The following UBR1 variants were observed in gnomAD, a reference collection of about 807,000 sequenced individuals.
The protein encoded by UBR1 is E3 ubiquitin-protein ligase UBR1.
In UBR1, 102 loss-of-function variants were observed where a neutral mutation model predicts 242.1. The observed-to-expected ratio is 0.42, with a 90% CI of 0.36 to 0.50. The LOEUF (loss-of-function observed/expected upper bound fraction) is 0.50. Ranked by LOEUF, UBR1 falls within the 20% of genes least tolerant of loss-of-function variation. The probability of loss-of-function intolerance (pLI) is 0.01; values close to 1 mark genes in which losing one functional copy is unlikely to be tolerated. For missense variants in UBR1, 1,772 were observed against 2,101.8 expected, an observed-to-expected ratio of 0.84 and a Z score of 3.07; for synonymous variants, 675 against 684.8, an observed-to-expected ratio of 0.99 and a Z score of 0.22.
chr15:43,032,938 T>A (rs753745890), intron 19 of UBR1, among the ~76,000 whole-genome samples: 1 of 152,210 alleles, frequency 6.6e-6, no homozygotes, highest in Non-Finnish European at 1.5e-5. Flanking sequence ...CCTTCTTACC[T>A]GCGTTAGTGA....
At position 43,015,782 on chromosome 15, in the gene UBR1, C is replaced by T. The variant is rs1298185944; in HGVS notation, c.3115G>A (p.Ala1039Thr). 1.2e-6 allele frequency: 2 copies of T among 1,614,048 alleles called. No homozygotes were observed. The highest frequency in any genetic ancestry group is 2.2e-5 in the East Asian group (1 of 44,892). Residue 1039 changes from alanine (A) to threonine (T), a missense_variant, in exon 29 of 47, where the codon GCC (alanine) becomes ACC (threonine). Coordinates refer to ENST00000290650, the MANE Select transcript of UBR1 (RefSeq NM_174916.3). The part of the protein sequence containing the change: ...HRQKIMAQMS[A>T]LQKNFIETHK... ...GTTTCAATGAAGTTTTTCTGTAAGGCAGACATCTGAGCCATGATCTTCTGG... is the reference window on the plus strand; with the variant it reads ...GTTTCAATGAAGTTTTTCTGTAAGGTAGACATCTGAGCCATGATCTTCTGG...
At chr15:43,012,019 G>T (rs890699420) in intron 29 of UBR1, 3 of 406,116 alleles carry the variant, frequency 7.4e-6, no homozygotes, top group Non-Finnish European at 1.5e-5. Context: ...GAGGTCAGGA[G>T]ATCAAGACCA....
chr15:43,044,271 T>C (rs557447260), intron 14 of UBR1, among the ~76,000 whole-genome samples: 8 of 152,268 alleles, frequency 5.3e-5, no homozygotes, highest in South Asian at 2.1e-4. Flanking sequence ...ATGTGGGTCA[T>C]TGAAGATGGT....
chr15:43,000,707 T>C (rs558085847), intron 32 of UBR1, among the ~76,000 whole-genome samples: 6 of 152,346 alleles, frequency 3.9e-5, no homozygotes, highest in Admixed American at 3.9e-4. Context: ...CTTGGTAAAA[T>C]GCCTAAAATA....
chr15:43,055,602 A>G (rs1444728831), intron 11 of UBR1, among the ~76,000 whole-genome samples: 1 of 152,236 alleles, frequency 6.6e-6, no homozygotes, highest in East Asian at 1.9e-4. Flanking sequence ...AGTTTGGATA[A>G]CTATCTAATT....
At position 43,096,088 on chromosome 15, in the gene UBR1, T is replaced by C. The variant is rs554759672; in HGVS notation, c.82-9848A>G. 1.4e-4 allele frequency among the ~76,000 whole-genome samples: 22 copies of C among 152,284 alleles called. No individual in the cohort carries two copies. In the South Asian group the frequency reaches 4.6e-3, roughly 32 times the overall value. ...CTTTAGAAAGTTGTCATCTTTTTGC[T>C]GATAGGGGGATCTTCCCTCAATATT... is the stretch of plus-strand genomic sequence containing the variant. On this transcript the variant is annotated intron_variant, in intron 1 of 46. Coordinates refer to ENST00000290650, the MANE Select transcript of UBR1 (RefSeq NM_174916.3).
chr15:42,981,634 C>A (rs1341200738), intron 37 of UBR1, among the ~76,000 whole-genome samples: 1 of 152,068 alleles, frequency 6.6e-6, no homozygotes, highest in Non-Finnish European at 1.5e-5. Flanking sequence ...GGACTACAGG[C>A]GCCCGCCACC....
rs560253904 is a variant in UBR1, at chr15:43,047,161, A to G, written c.1668T>C (p.Asp556=). The G allele has an allele frequency of 7.4e-6, 12 of 1,614,138 alleles. No individual in the cohort carries two copies. The South Asian group carries it at 1.3e-4, about 18-fold the overall frequency. ...GATCCTACTAACAAATTTTACTTAC[A>G]TCACAAGCACACCACTCTTGGAACA... is the stretch of plus-strand genomic sequence containing the variant. ...LLMFQEWCAC[D]EELLLVAYKE... Residue 556 remains aspartate (D), a splice_region_variant and synonymous_variant, in exon 14 of 47, where the codon GAT becomes GAC. Coordinates refer to ENST00000290650, the MANE Select transcript of UBR1 (RefSeq NM_174916.3).
In UBR1 at chr15:43,024,388, TCTC is replaced by T. The variant is rs560593695; in HGVS notation, c.2739+438_2739+440del. On this transcript the variant is annotated intron_variant, in intron 25 of 46. Transcript: ENST00000290650. ...AGTAGCTGCTTTCACTTTAGCTAATTCTCCTACCTCTATGAATAATTACACTTT... is the reference window on the plus strand; with the variant it reads ...AGTAGCTGCTTTCACTTTAGCTAATTCTACCTCTATGAATAATTACACTTT... Among the ~76,000 whole-genome samples the T allele has an allele frequency of 1.9e-3, 293 of 152,288 alleles. 2 individuals are homozygous for T. Among genetic ancestry groups the T allele is most frequent in the Non-Finnish European group, 1.4e-3 (97 of 68,006 alleles).
chr15:43,022,841 T>C (rs954854040), intron 25 of UBR1, 40 bp from the exon 26 acceptor site: 2 of 1,242,744 alleles, frequency 1.6e-6, no homozygotes, highest in African/African-American at 3.0e-5. Flanking sequence ...ATTGCGCTTC[T>C]TCAGGTAAAT....
chr15:43,097,816 A>G (rs765362035), intron 1 of UBR1, among the ~76,000 whole-genome samples: 1 of 152,220 alleles, frequency 6.6e-6, no homozygotes, highest in Admixed American at 6.5e-5. Flanking sequence ...GGCTGGTTCA[A>G]TCTTCTATCC....
rs771350476 is a variant in UBR1 at position 42,984,934 on chromosome 15, A to G, written c.4006T>C (p.Leu1336=). 56 of 1,609,004 alleles carry G rather than the reference A, an allele frequency of 3.5e-5. No homozygotes were observed. In the East Asian group the frequency reaches 1.2e-3, roughly 35 times the overall value. Residue 1336 remains leucine, a synonymous_variant, in exon 36 of 47, where the codon TTG becomes CTG. Transcript: ENST00000290650. ...AACAGAGGTTTTCCTTCATCTCCCA[A>G]TAGATTTTCTCAAAGAATAAAAAAA... The part of the protein sequence containing the change: ...AFTIQAIENL[L]GDEGKPLFGA...
chr15:43,060,206 T>G (rs571419831), intron 6 of UBR1, 92 bp from the exon 7 acceptor site: 1 of 1,186,706 alleles, frequency 8.4e-7, no homozygotes, highest in East Asian at 2.3e-5. Flanking sequence ...AGCTCTTAAC[T>G]GAGCTCTAAT....
At chr15:43,013,498 T>C (rs1163936059) in intron 29 of UBR1, among the ~76,000 whole-genome samples, 2 of 152,344 alleles carry the variant, frequency 1.3e-5, no homozygotes, top group South Asian at 2.1e-4. Flanking sequence ...GAAAAACTTG[T>C]ATAAGCCACC....
At chr15:43,032,075 T>C (rs1474508863) in intron 20 of UBR1, among the ~76,000 whole-genome samples, 2 of 151,588 alleles carry the variant, frequency 1.3e-5, no homozygotes, top group African/African-American at 4.9e-5. Context: ...ATGATGGCAA[T>C]GAATGTACCA....
intron 30 of UBR1, among the ~76,000 whole-genome samples, chr15:43,006,056 T>G (rs1033466099): frequency 1.7e-5 from 2 of 114,346 alleles, no homozygotes; most frequent in African/African-American, 6.8e-5. Context: ...CAAATCCCCC[T>G]CTCGGAGAAA....
At chr15:42,988,102 C>T (rs1596087204) in intron 35 of UBR1, among the ~76,000 whole-genome samples, 1 of 152,128 alleles carries the variant, frequency 6.6e-6, no homozygotes, top group African/African-American at 2.4e-5. Flanking sequence ...TCTTCCTTTC[C>T]CCTTTCCGTT....
chr15:43,076,921 C>T (rs1381627042), intron 3 of UBR1, among the ~76,000 whole-genome samples: 2 of 103,524 alleles, frequency 1.9e-5, no homozygotes, highest in African/African-American at 6.9e-5. Context: ...GCCCCCCGCC[C>T]GGCCAGCCGC....
At chr15:42,998,500 A>C (rs2032673304) in intron 32 of UBR1, among the ~76,000 whole-genome samples, 2 of 152,216 alleles carry the variant, frequency 1.3e-5, no homozygotes, top group African/African-American at 4.8e-5. Context: ...ACAGGTAGTA[A>C]ATGTCAGTAA....
Sources: allele counts gnomAD v4.1 joint callset (sites outside exome capture counted in the v4.1 genomes callset), GRCh38; gene constraint gnomAD v4.1.1; transcripts MANE v1.5; gene names NCBI Gene and HGNC (gene_info 2026-07-23, HGNC 2026-07-21).